The following JPH3 variants were observed in gnomAD, a reference collection of about 807,000 sequenced individuals.
JPH3 encodes junctophilin 3, also known as junctophilin-3.
A neutral mutation model predicts 59.6 loss-of-function variants in JPH3; 11 were observed. That is an observed-to-expected ratio of 0.18 (90% CI 0.12 to 0.31). JPH3 has a LOEUF of 0.31. Ranked by LOEUF, JPH3 falls within the 10% of genes least tolerant of loss-of-function variation. The pLI is 1.00. For missense variants in JPH3, 1,202 were observed against 1,105.7 expected (o/e 1.09, Z -1.24); for synonymous variants, 673 against 483.6 (o/e 1.39, Z -5.14).
chr16:87,666,759 G>A (rs928120247), intron 2 of JPH3, among the ~76,000 whole-genome samples: 5 of 152,146 alleles, frequency 3.3e-5, no homozygotes, highest in Non-Finnish European at 7.4e-5. Context: ...TCTAATATAA[G>A]AGAACCCCTA....
At chr16:87,604,081 A>G (rs886930079) in intron 1 of JPH3, 4 of 985,254 alleles carry the variant, frequency 4.1e-6, no homozygotes, top group Non-Finnish European at 4.8e-6. Context: ...CAGGCAGTAC[A>G]CTTCTAGGTG....
chr16:87,694,343 G>A (rs1043842133), intron 4 of JPH3: 17 of 152,246 alleles, frequency 1.1e-4, no homozygotes, highest in East Asian at 1.9e-4. Flanking sequence ...CATCAGCTAC[G>A]ATGCTGCTTC....
At chr16:87,636,998 G>A (rs55778367) in intron 1 of JPH3, among the ~76,000 whole-genome samples, 2,858 of 152,308 alleles carry the variant, frequency 0.019, 96 homozygotes, top group African/African-American at 0.064. Flanking sequence ...CCAGCATGAC[G>A]GGGGTCAGGC....
chr16:87,643,709 C>T (rs966723879), intron 1 of JPH3, among the ~76,000 whole-genome samples: 4 of 152,198 alleles, frequency 2.6e-5, no homozygotes, highest in Non-Finnish European at 4.4e-5. Context: ...CCTTCTCCCT[C>T]CCCGATTTCC....
chr16:87,613,919 T>C (rs1162882563), intron 1 of JPH3, among the ~76,000 whole-genome samples: 2 of 152,096 alleles, frequency 1.3e-5, no homozygotes, highest in African/African-American at 4.8e-5. Context: ...CTCGCTGAGA[T>C]CACAGCGCTG....
chr16:87,608,021 T>G (rs2030590143), intron 1 of JPH3, among the ~76,000 whole-genome samples: 1 of 152,260 alleles, frequency 6.6e-6, no homozygotes, highest in South Asian at 2.1e-4. Flanking sequence ...CTACCCACGT[T>G]GGCCGTGAGG....
At chr16:87,660,159 G>A (rs970190451) in intron 2 of JPH3, among the ~76,000 whole-genome samples, 1 of 152,210 alleles carries the variant, frequency 6.6e-6, no homozygotes, top group South Asian at 2.1e-4. Flanking sequence ...CCTGGGGAGA[G>A]ACGGCAGTGC....
intron 1 of JPH3, among the ~76,000 whole-genome samples, chr16:87,623,878 C>G (rs547242489): frequency 6.6e-6 from 1 of 152,380 alleles, no homozygotes; most frequent in Non-Finnish European, 1.5e-5. Context: ...GCAGAGCAAG[C>G]TTTCTGGAAG....
chr16:87,690,157 G>T lies in JPH3; in HGVS notation c.1797G>T (p.Arg599Ser). Residue 599 changes from arginine to serine, a missense_variant, in exon 4 of 5, where the codon AGG becomes AGT. Arg to Ser is a moderately radical substitution (Grantham distance 110, BLOSUM62 -1). Coordinates refer to ENST00000284262, the MANE Select transcript of JPH3 (RefSeq NM_020655.4). ...GCAACCACAGCCCCGGAGGCTCCAG[G>T]CTGCTGGAGCTGCAGGAGGAGAAGC... is the stretch of plus-strand genomic sequence containing the variant. Reference protein sequence around the residue: ...RASNHSPGGSRLLELQEEKLS... With the variant: ...RASNHSPGGSSLLELQEEKLS... 1 of 1,598,358 alleles carries T rather than the reference G, an allele frequency of 6.3e-7. No individual in the cohort carries two copies.
chr16:87,660,231 C>A (rs1212314288), intron 2 of JPH3, among the ~76,000 whole-genome samples: 1 of 152,176 alleles, frequency 6.6e-6, no homozygotes, highest in African/African-American at 2.4e-5. Context: ...TGGCGTCCCT[C>A]TGAGAAAGAC....
intron 2 of JPH3, among the ~76,000 whole-genome samples, chr16:87,662,425 A>AT (rs34067871): frequency 0.23 from 34,421 of 148,408 alleles, 4,073 homozygotes; most frequent in East Asian, 0.38. Context: ...CTCGCGTCTG[A>AT]TTTTTTTTTT....
chr16:87,629,201 A>G (rs1329498524), intron 1 of JPH3, among the ~76,000 whole-genome samples: 2 of 152,060 alleles, frequency 1.3e-5, no homozygotes, highest in Non-Finnish European at 2.9e-5. Context: ...GTGCTCAGCA[A>G]ATGCCAGCAG....
chr16:87,687,731 T>A (rs536759515), intron 3 of JPH3, among the ~76,000 whole-genome samples: 98 of 152,270 alleles, frequency 6.4e-4, no homozygotes, highest in Non-Finnish European at 1.2e-3. Context: ...GAGGGTGCCC[T>A]CCTGCTGGTG....
intron 4 of JPH3, 144 bp downstream of exon 4, chr16:87,690,670 T>TG: frequency 8.9e-6 from 8 of 901,556 alleles, no homozygotes; most frequent in Non-Finnish European, 1.2e-5. Context: ...CAGCCGGGAG[T>TG]GGTGGCCCTC....
chr16:87,604,377 G>A (rs1473880454), intron 1 of JPH3: 2 of 1,435,270 alleles, frequency 1.4e-6, no homozygotes, highest in Non-Finnish European at 1.8e-6. Flanking sequence ...GCAGCTGCCC[G>A]CCTGCCTGGA....
chr16:87,644,309 G>A lies in JPH3; in HGVS notation c.434G>A (p.Arg145Gln), dbSNP rs1227305136. ...GGCATGCGCCAGGGCTACGGCGTCC[G>A]GCAGAGCGTCCCGTATGGCATGGCC... ...VGGMRQGYGV[R>Q]QSVPYGMAAV... The change falls in exon 2 of 5, where the codon CGG becomes CAG. Residue 145 changes from arginine (R) to glutamine (Q), a missense_variant. Physicochemically the swap from Arg to Gln is conservative, Grantham distance 43. Coordinates refer to ENST00000284262, the MANE Select transcript of JPH3 (RefSeq NM_020655.4). 7 of 1,612,546 alleles carry A rather than the reference G, an allele frequency of 4.3e-6. No homozygotes were observed. The highest frequency in any genetic ancestry group is 1.7e-5 in the Admixed American group (1 of 59,966).
chr16:87,639,285 A>G (rs1484824541), intron 1 of JPH3, among the ~76,000 whole-genome samples: 1 of 151,834 alleles, frequency 6.6e-6, no homozygotes, highest in African/African-American at 2.4e-5. Context: ...AGATTGAGAA[A>G]GTGTTGAGTT....
chr16:87,648,472 G>A (rs986975627), intron 2 of JPH3, among the ~76,000 whole-genome samples: 42 of 152,282 alleles, frequency 2.8e-4, no homozygotes, highest in South Asian at 8.3e-4. Flanking sequence ...CACCCGCCCC[G>A]GCCGGCAGGG....
intron 1 of JPH3, among the ~76,000 whole-genome samples, chr16:87,624,206 A>G (rs191236948): frequency 6.6e-6 from 1 of 152,358 alleles, no homozygotes; most frequent in East Asian, 1.9e-4. Flanking sequence ...TTTAAACTGT[A>G]CAGTCCAGTG....
Sources: allele counts gnomAD v4.1 joint callset (sites outside exome capture counted in the v4.1 genomes callset), GRCh38; gene constraint gnomAD v4.1.1; transcripts MANE v1.5; gene names NCBI Gene and HGNC (gene_info 2026-07-23, HGNC 2026-07-21).